The following GABRB2 variants were observed in gnomAD, a reference collection of about 807,000 sequenced individuals.
GABRB2 encodes the protein gamma-aminobutyric acid type A receptor subunit beta2, also known as gamma-aminobutyric acid receptor subunit beta-2.
GABRB2 carries 16 observed loss-of-function variants against 54.7 expected under a neutral mutation model. The observed-to-expected ratio is 0.29, with a 90% confidence interval of 0.20 to 0.44. The LOEUF (loss-of-function observed/expected upper bound fraction) is 0.44. Ranked by LOEUF, GABRB2 falls within the 20% of genes least tolerant of loss-of-function variation. GABRB2 has a pLI of 1.00. For missense variants in GABRB2, 355 were observed against 644.0 expected (o/e 0.55, Z 4.86); for synonymous variants, 244 against 233.8 (o/e 1.04, Z -0.40).
intron 3 of GABRB2, among the ~76,000 whole-genome samples, chr5:161,508,002 C>CT (rs1759660355): frequency 2.0e-5 from 3 of 151,776 alleles, no homozygotes; most frequent in African/African-American, 4.8e-5. Context: ...CTTGTAGGTA[C>CT]TTACCCAAGA....
chr5:161,484,916 C>CA (rs1253827408), intron 3 of GABRB2, among the ~76,000 whole-genome samples: 1 of 151,960 alleles, frequency 6.6e-6, no homozygotes, highest in East Asian at 1.9e-4. Context: ...GCATAGGGTT[C>CA]AAACTTCTTA....
At chr5:161,331,580 G>A (rs1416601646) in intron 7 of GABRB2, among the ~76,000 whole-genome samples, 3 of 152,146 alleles carry the variant, frequency 2.0e-5, no homozygotes, top group Non-Finnish European at 4.4e-5. Context: ...GACTTATGGG[G>A]ACTGCTGGTG....
At chr5:161,497,504 G>A (rs1393569512) in intron 3 of GABRB2, among the ~76,000 whole-genome samples, 1 of 147,354 alleles carries the variant, frequency 6.8e-6, no homozygotes, top group African/African-American at 2.5e-5. Context: ...TGCCATTTTG[G>A]ACTTTGTGTG....
At chr5:161,393,274 T>C (rs2113046289) in intron 5 of GABRB2, among the ~76,000 whole-genome samples, 1 of 121,982 alleles carries the variant, frequency 8.2e-6, no homozygotes, top group East Asian at 2.5e-4. Context: ...CTTTATATTC[T>C]CCCTTTTATA....
rs1757151954 is a variant in GABRB2, at chr5:161,288,691, A to G, written c.*5390T>C. 1 of 152,640 alleles carries G rather than the reference A, an allele frequency of 6.6e-6. No homozygotes were observed. Among genetic ancestry groups the G allele is most frequent in the Non-Finnish European group, 1.5e-5 (1 of 68,036 alleles). The allele number at this position is 152,640 out of a possible 1,614,324, so 9.5% of individuals were successfully genotyped here. On this transcript the variant is annotated 3_prime_UTR_variant, in exon 10 of 10. Coordinates refer to ENST00000393959, the MANE Select transcript of GABRB2 (RefSeq NM_001371727.1). ...TTTTTCTAGCCATCGGAAAATGTGCATTATGTGCATATTAAGAAAGGCTAC... is the reference window on the plus strand; with the variant it reads ...TTTTTCTAGCCATCGGAAAATGTGCGTTATGTGCATATTAAGAAAGGCTAC...
intron 5 of GABRB2, among the ~76,000 whole-genome samples, chr5:161,403,144 C>A (rs1412908633): frequency 6.6e-6 from 1 of 152,112 alleles, no homozygotes; most frequent in Non-Finnish European, 1.5e-5. Flanking sequence ...AGCCCCTTAA[C>A]AAAGTGGGGG....
intron 3 of GABRB2, among the ~76,000 whole-genome samples, chr5:161,510,420 C>T (rs566526409): frequency 1.9e-4 from 29 of 152,042 alleles, no homozygotes; most frequent in South Asian, 6.2e-4. Context: ...CATGTTGTTG[C>T]AAATGACAGC....
intron 3 of GABRB2, among the ~76,000 whole-genome samples, chr5:161,471,407 T>G (rs147387575): frequency 6.6e-6 from 1 of 152,020 alleles, no homozygotes; most frequent in African/African-American, 2.4e-5. Flanking sequence ...ATAGAAGGCA[T>G]CACGCCAGAT....
At chr5:161,374,609 T>C (rs1283486333) in intron 5 of GABRB2, among the ~76,000 whole-genome samples, 1 of 152,230 alleles carries the variant, frequency 6.6e-6, no homozygotes, top group Non-Finnish European at 1.5e-5. Flanking sequence ...TTTAATTTAG[T>C]TTCTTCCTAG....
intron 3 of GABRB2, among the ~76,000 whole-genome samples, chr5:161,513,673 G>A (rs1294592594): frequency 6.6e-6 from 1 of 151,990 alleles, no homozygotes; most frequent in Non-Finnish European, 1.5e-5. Flanking sequence ...AAAACTAACT[G>A]TTGCATACTG....
At chr5:161,452,983 G>C (rs575443357) in intron 4 of GABRB2, among the ~76,000 whole-genome samples, 1 of 152,116 alleles carries the variant, frequency 6.6e-6, no homozygotes, top group Non-Finnish European at 1.5e-5. Flanking sequence ...GTGACAGAGT[G>C]AGACACTGTC....
chr5:161,438,286 T>C (rs1050559451), intron 4 of GABRB2, among the ~76,000 whole-genome samples: 3 of 152,182 alleles, frequency 2.0e-5, no homozygotes, highest in African/African-American at 7.2e-5. Flanking sequence ...GAGTCTGGTC[T>C]AAGACGATCA....
Position 161,432,170 on chromosome 5 carries a change from C to T in GABRB2, c.459-21113G>A, listed in dbSNP as rs1311720031. On this transcript the variant is annotated intron_variant, in intron 4 of 9. Coordinates refer to ENST00000393959, the MANE Select transcript of GABRB2 (RefSeq NM_001371727.1). ...CTCAGTCTCCATCCTTTGCATCACA[C>T]CAGATTCTCCTTACTTTGTAATATA... is the stretch of plus-strand genomic sequence containing the variant. 2.0e-5 allele frequency among the ~76,000 whole-genome samples: 3 copies of T among 152,162 alleles called. No individual in the cohort carries two copies. The East Asian group carries it at 5.8e-4, about 29-fold the overall frequency.
At chr5:161,389,697 G>A (rs1252420890) in intron 5 of GABRB2, among the ~76,000 whole-genome samples, 1 of 151,532 alleles carries the variant, frequency 6.6e-6, no homozygotes, top group Non-Finnish European at 1.5e-5. Flanking sequence ...CAGTGCTGAG[G>A]AAATCTTTTT....
At chr5:161,463,525 TGTTGACAAGGTGATTCCAA>T (rs1758177560) in intron 3 of GABRB2, among the ~76,000 whole-genome samples, 1 of 138,066 alleles carries the variant, frequency 7.2e-6, no homozygotes, top group African/African-American at 2.7e-5. Flanking sequence ...TTTTTGTAGA[TGTTGACAAGGTGATTCCAA>T]ATATTTTTAT....
chr5:161,387,951 C>A (rs920273301), intron 5 of GABRB2, among the ~76,000 whole-genome samples: 9 of 151,978 alleles, frequency 5.9e-5, no homozygotes, highest in African/African-American at 2.2e-4. Flanking sequence ...AAAACTGGCT[C>A]ACAAAGCCAA....
chr5:161,364,411 T>C (rs1387556939), intron 5 of GABRB2, among the ~76,000 whole-genome samples: 1 of 152,204 alleles, frequency 6.6e-6, no homozygotes, highest in Non-Finnish European at 1.5e-5. Flanking sequence ...CCTGGAACTG[T>C]GCCTAGCATA....
chr5:161,378,662 C>T (rs1296230019), intron 5 of GABRB2, among the ~76,000 whole-genome samples: 2 of 152,078 alleles, frequency 1.3e-5, no homozygotes, highest in Non-Finnish European at 2.9e-5. Context: ...AAGGGCATTC[C>T]CCTAACCTAT....
intron 5 of GABRB2, among the ~76,000 whole-genome samples, chr5:161,349,150 A>G (rs1052532435): frequency 4.6e-5 from 7 of 152,124 alleles, no homozygotes; most frequent in African/African-American, 1.4e-4. Flanking sequence ...AAAATAGCTC[A>G]AGTAATACAA....
Sources: allele counts gnomAD v4.1 joint callset (sites outside exome capture counted in the v4.1 genomes callset), GRCh38; gene constraint gnomAD v4.1.1; transcripts MANE v1.5; gene names NCBI Gene and HGNC (gene_info 2026-07-23, HGNC 2026-07-21).